SLC17A5: variants seen among roughly 807,000 people sequenced by gnomAD.
The protein encoded by SLC17A5 is solute carrier family 17 member 5.
SLC17A5 carries 47 observed loss-of-function variants against 59.4 expected under a neutral mutation model. That is an observed-to-expected ratio of 0.79 (90% CI 0.63 to 1.01). The LOEUF (loss-of-function observed/expected upper bound fraction) is 1.01. Among genes scored for constraint, SLC17A5 ranks in the 50% least tolerant of loss-of-function variants. SLC17A5 has a pLI of 0.00. For synonymous variants in SLC17A5, 202 were observed against 210.7 expected, an observed-to-expected ratio of 0.96 and a Z score of 0.36; for missense variants, 522 against 595.5, an observed-to-expected ratio of 0.88 and a Z score of 1.28.
intron 7 of SLC17A5, among the ~76,000 whole-genome samples, chr6:73,620,468 C>A (rs1408461210): frequency 1.3e-5 from 2 of 152,112 alleles, no homozygotes; most frequent in African/African-American, 4.8e-5. Context: ...CATTATGTTG[C>A]CAAAGCCTAG....
chr6:73,599,988 G>T (rs970851344), intron 10 of SLC17A5, among the ~76,000 whole-genome samples: 1 of 152,220 alleles, frequency 6.6e-6, no homozygotes, highest in Non-Finnish European at 1.5e-5. Context: ...TAGAGACGGG[G>T]TTTCACCATG....
intron 5 of SLC17A5, among the ~76,000 whole-genome samples, chr6:73,635,742 CTT>C (rs34409077): frequency 1.4e-4 from 20 of 142,230 alleles, no homozygotes; most frequent in East Asian, 2.0e-4. Flanking sequence ...AAGAAAACAA[CTT>C]TTTTTTTTTT....
At chr6:73,607,231 T>C (rs1242387877) in intron 9 of SLC17A5, among the ~76,000 whole-genome samples, 2 of 152,148 alleles carry the variant, frequency 1.3e-5, no homozygotes, top group East Asian at 3.8e-4. Flanking sequence ...ACCATGGATA[T>C]TTGGTTTTCT....
At chr6:73,612,894 A>T (rs1403747130) in intron 8 of SLC17A5, among the ~76,000 whole-genome samples, 1 of 152,172 alleles carries the variant, frequency 6.6e-6, no homozygotes, top group Non-Finnish European at 1.5e-5. Flanking sequence ...TCTACAAAAA[A>T]TCAAAAATAA....
At chr6:73,621,383 C>T (rs1241453553) in intron 7 of SLC17A5, among the ~76,000 whole-genome samples, 1 of 152,172 alleles carries the variant, frequency 6.6e-6, no homozygotes, top group African/African-American at 2.4e-5. Context: ...AAGTAATCCA[C>T]CTGCCTCGAC....
At chr6:73,644,625 A>T (rs753986602) in intron 1 of SLC17A5, 22 bp from the exon 2 acceptor site, 2 of 1,583,996 alleles carry the variant, frequency 1.3e-6, no homozygotes, top group Non-Finnish European at 1.7e-6. Flanking sequence ...ATTGGGGAAA[A>T]TTTTTATTTA....
Position 73,595,209 on chromosome 6 carries a change from A to ATT in SLC17A5, c.1355_1356insAA (p.Val453MetfsTer50), listed in dbSNP as rs1234745577. Reference sequence around the variant, plus strand: ...AGAACACGGTTTGCCATTCTCCAACAGTGTTCTATAAAGGAAGACAAAAAA... The same window carrying ATT: ...AGAACACGGTTTGCCATTCTCCAACATTGTGTTCTATAAAGGAAGACAAAAAA... On this transcript the variant is annotated frameshift_variant, in exon 11 of 11. Transcript: ENST00000355773. LOFTEE classifies it high-confidence loss of function. 13 of 1,614,118 alleles carry ATT rather than the reference A, an allele frequency of 8.1e-6. No individual in the cohort carries two copies. Among genetic ancestry groups the ATT allele is most frequent in the Non-Finnish European group, 1.1e-5 (13 of 1,180,004 alleles).
intron 6 of SLC17A5, among the ~76,000 whole-genome samples, chr6:73,627,003 C>T (rs1768450393): frequency 6.6e-6 from 1 of 151,964 alleles, no homozygotes; most frequent in African/African-American, 2.4e-5. Flanking sequence ...AACTCGTGAC[C>T]TCAGGTGATC....
In SLC17A5 at chr6:73,644,554, A is replaced by C; in HGVS notation, c.144T>G (p.Phe48Leu). 6.2e-7 allele frequency: 1 copy of C among 1,614,070 alleles called. No individual in the cohort carries two copies. The highest frequency in any genetic ancestry group is 1.6e-4 in the Middle Eastern group (1 of 6,062). Residue 48 changes from phenylalanine to leucine, a missense_variant, in exon 2 of 11, where the codon TTT becomes TTG. Physicochemically the swap from Phe to Leu is conservative, Grantham distance 22. Around this residue, in one of 3 missense-constraint regions of SLC17A5, gnomAD observed 338 missense variants for 363.8 expected, o/e 0.93. Coordinates refer to ENST00000355773, the MANE Select transcript of SLC17A5 (RefSeq NM_012434.5). ...GTAATGCATACACAATGAAGAAACC[A>C]AAAAAGGCCAAAATTGCTAAGTTGT... ...ARYNLAILAF[F>L]GFFIVYALRV... is the part of the protein sequence containing the mutation.
chr6:73,636,407 C>T (rs1769001982), intron 5 of SLC17A5, among the ~76,000 whole-genome samples: 1 of 151,916 alleles, frequency 6.6e-6, no homozygotes, highest in South Asian at 2.1e-4. Context: ...ACAGGATCAA[C>T]AGTCATTTCT....
chr6:73,600,586 G>A (rs1005564409), intron 9 of SLC17A5, 145 bp from the exon 10 acceptor site: 5 of 687,706 alleles, frequency 7.3e-6, no homozygotes, highest in African/African-American at 1.9e-5. Context: ...TCAGCTCACT[G>A]CAGCCTCTGC....
intron 9 of SLC17A5, among the ~76,000 whole-genome samples, chr6:73,601,960 G>A (rs1374196150): frequency 2.6e-5 from 4 of 152,054 alleles, no homozygotes; most frequent in African/African-American, 7.2e-5. Flanking sequence ...CATTGAGAAC[G>A]GGCTGGGATG....
intron 6 of SLC17A5, among the ~76,000 whole-genome samples, chr6:73,630,048 A>G (rs548400617): frequency 1.2e-4 from 18 of 150,338 alleles, no homozygotes; most frequent in Admixed American, 3.3e-4. Context: ...GCTGGAGTGC[A>G]GTGGTATGAT....
intron 9 of SLC17A5, among the ~76,000 whole-genome samples, chr6:73,604,637 G>A (rs142206919): frequency 5.3e-5 from 8 of 151,128 alleles, no homozygotes; most frequent in Admixed American, 4.0e-4. Flanking sequence ...CTGTAGACCC[G>A]CTCGCTACTC....
intron 1 of SLC17A5, among the ~76,000 whole-genome samples, chr6:73,651,324 G>T (rs993476195): frequency 6.6e-6 from 1 of 151,464 alleles, no homozygotes; most frequent in Non-Finnish European, 1.5e-5. Context: ...AGCTGGGTGT[G>T]GTGGCGTAGG....
Position 73,641,562 on chromosome 6 carries a change from T to TA in SLC17A5, c.525+128dup, listed in dbSNP as rs1455780048. 9.7e-6 allele frequency: 7 copies of TA among 721,854 alleles called. No homozygotes were observed. The African/African-American group carries it at 1.2e-4, about 13-fold the overall frequency. 44.7% of individuals were successfully genotyped at this position (721,854 alleles called of 1,614,324 possible). A position where few individuals can be genotyped will look rare whatever the true frequency, so the allele number is the denominator to read the frequency against. On this transcript the variant is annotated intron_variant, in intron 3 of 10. Coordinates refer to ENST00000355773, the MANE Select transcript of SLC17A5 (RefSeq NM_012434.5). ...GTAATTTTCTAGTTAGTCCTTTCTC[T>TA]AAAAAATAAACCCCTGTTATCATCC... is the stretch of plus-strand genomic sequence containing the variant.
intron 6 of SLC17A5, among the ~76,000 whole-genome samples, chr6:73,633,090 GT>G (rs1161631467): frequency 3.3e-5 from 5 of 152,192 alleles, no homozygotes; most frequent in South Asian, 4.1e-4. Context: ...GACTTAAGCA[GT>G]CCCCTTGCCT....
At position 73,595,044 on chromosome 6, in the gene SLC17A5, C is replaced by T. The variant is rs140863344; in HGVS notation, c.*33G>A. On this transcript the variant is annotated 3_prime_UTR_variant, in exon 11 of 11. Transcript: ENST00000355773. The stretch of plus-strand genomic sequence containing the variant: ...TGAGGTTACATGATAAATAAAAATA[C>T]ATTAATAGAGGCAGGATTATTTATT... 1 of 1,612,372 alleles carries T rather than the reference C, an allele frequency of 6.2e-7. No homozygotes were observed. The highest frequency in any genetic ancestry group is 1.1e-5 in the South Asian group (1 of 91,030).
intron 7 of SLC17A5, among the ~76,000 whole-genome samples, chr6:73,616,996 AC>A (rs1190803541): frequency 6.6e-6 from 1 of 151,676 alleles, no homozygotes; most frequent in Non-Finnish European, 1.5e-5. Context: ...AAACAAACAA[AC>A]AAAAAAAGCT....
Sources: allele counts gnomAD v4.1 joint callset (sites outside exome capture counted in the v4.1 genomes callset), GRCh38; gene constraint gnomAD v4.1.1; regional missense constraint gnomAD v4.1.1; transcripts MANE v1.5; gene names NCBI Gene and HGNC (gene_info 2026-07-23, HGNC 2026-07-21).